The following MSRA variants were observed in gnomAD, a reference collection of about 807,000 sequenced individuals.
The protein encoded by MSRA is mitochondrial peptide methionine sulfoxide reductase.
MSRA carries 54 observed loss-of-function variants against 31.3 expected under a neutral mutation model. The ratio of observed to expected loss-of-function variants is 1.73; its 90% CI spans 1.39 to 2.17. The LOEUF (loss-of-function observed/expected upper bound fraction) is 2.17. Ranked by LOEUF, MSRA falls within the 30% of genes most tolerant of loss-of-function variation. MSRA has a pLI of 0.00. For missense variants in MSRA, 507 were observed against 300.9 expected (o/e 1.69, Z -5.07); for synonymous variants, 169 against 116.5 (o/e 1.45, Z -2.90).
intron 5 of MSRA, among the ~76,000 whole-genome samples, chr8:10,397,313 C>T (rs1585678939): frequency 6.6e-6 from 1 of 152,082 alleles, no homozygotes; most frequent in Admixed American, 6.5e-5. Flanking sequence ...TAGTATTGAC[C>T]CTGGTACTTT....
intron 3 of MSRA, among the ~76,000 whole-genome samples, chr8:10,245,990 A>G (rs577784148): frequency 7.2e-5 from 11 of 152,366 alleles, no homozygotes; most frequent in African/African-American, 2.4e-4. Context: ...AAGCCGTGCT[A>G]TAATGCAGGG....
At chr8:10,092,387 G>A (rs746479022) in intron 1 of MSRA, among the ~76,000 whole-genome samples, 2 of 152,092 alleles carry the variant, frequency 1.3e-5, no homozygotes, top group Non-Finnish European at 2.9e-5. Flanking sequence ...GGCCAGGCAC[G>A]GTGGCTCACG....
chr8:10,089,183 A>G (rs1009557122), intron 1 of MSRA, among the ~76,000 whole-genome samples: 1 of 152,160 alleles, frequency 6.6e-6, no homozygotes, highest in Non-Finnish European at 1.5e-5. Flanking sequence ...GGTGATGGAT[A>G]TGTTAGTCTG....
chr8:10,192,490 CACTTA>C (rs1184385405), intron 1 of MSRA, among the ~76,000 whole-genome samples: 3 of 152,170 alleles, frequency 2.0e-5, no homozygotes, highest in Non-Finnish European at 2.9e-5. Context: ...GAAATTAGAC[CACTTA>C]ACTTAAAGTG....
intron 3 of MSRA, among the ~76,000 whole-genome samples, chr8:10,299,784 G>A (rs1054151993): frequency 1.3e-5 from 2 of 152,172 alleles, no homozygotes; most frequent in Admixed American, 6.5e-5. Flanking sequence ...CCAATGGAAA[G>A]AGAAAACTGG....
intron 3 of MSRA, among the ~76,000 whole-genome samples, chr8:10,254,076 G>T (rs1269143066): frequency 6.6e-6 from 1 of 152,036 alleles, no homozygotes; most frequent in Admixed American, 6.5e-5. Flanking sequence ...ACAAACCACC[G>T]AGGCCCCTCA....
At chr8:10,426,074 C>A (rs1275328331) in intron 5 of MSRA, among the ~76,000 whole-genome samples, 5 of 152,190 alleles carry the variant, frequency 3.3e-5, no homozygotes, top group Admixed American at 3.3e-4. Context: ...CAGTGGGCAG[C>A]CTCTTCACAG....
chr8:10,338,600 A>C (rs981039715), intron 5 of MSRA, among the ~76,000 whole-genome samples: 1 of 152,238 alleles, frequency 6.6e-6, no homozygotes, highest in Non-Finnish European at 1.5e-5. Context: ...GCACTCCATA[A>C]AGATATACAG....
chr8:10,238,178 C>A (rs1453111944), intron 2 of MSRA, among the ~76,000 whole-genome samples: 1 of 152,166 alleles, frequency 6.6e-6, no homozygotes, highest in African/African-American at 2.4e-5. Flanking sequence ...CTTGTTGCCC[C>A]TGTAGGACTG....
chr8:10,190,770 T>G (rs1205870278), intron 1 of MSRA, among the ~76,000 whole-genome samples: 1 of 152,220 alleles, frequency 6.6e-6, no homozygotes, highest in African/African-American at 2.4e-5. Context: ...CTGTGACCTA[T>G]GGTTTTTGTC....
intron 2 of MSRA, 76 bp from the exon 3 acceptor site, chr8:10,245,028 A>G: frequency 7.5e-7 from 1 of 1,338,562 alleles, no homozygotes. Context: ...TTCATGTAAC[A>G]GGTGTATGTG....
intron 3 of MSRA, among the ~76,000 whole-genome samples, chr8:10,275,718 G>T (rs2129103545): frequency 6.6e-6 from 1 of 152,312 alleles, no homozygotes. Context: ...GAAACTTGCA[G>T]TCGGTCGACT....
At chr8:10,191,627 G>C (rs1807513892) in intron 1 of MSRA, among the ~76,000 whole-genome samples, 1 of 152,150 alleles carries the variant, frequency 6.6e-6, no homozygotes, top group African/African-American at 2.4e-5. Flanking sequence ...AGGGAACAAA[G>C]TTTGTGGAGA....
At chr8:10,278,414 A>G (rs570802264) in intron 3 of MSRA, among the ~76,000 whole-genome samples, 14 of 152,338 alleles carry the variant, frequency 9.2e-5, no homozygotes, top group African/African-American at 3.1e-4. Flanking sequence ...TTCATGTAAC[A>G]ACCAAAAACA....
intron 4 of MSRA, among the ~76,000 whole-genome samples, chr8:10,316,158 C>T (rs1324576373): frequency 6.6e-6 from 1 of 151,950 alleles, no homozygotes; most frequent in Non-Finnish European, 1.5e-5. Flanking sequence ...TAGATAGTGA[C>T]CGTATTGTGT....
chr8:10,358,692 AC>A (rs1243500157), intron 5 of MSRA, among the ~76,000 whole-genome samples: 1 of 137,906 alleles, frequency 7.3e-6, no homozygotes, highest in African/African-American at 2.8e-5. Context: ...TCCCGGGTTC[AC>A]GCCATTCTCC....
intron 2 of MSRA, among the ~76,000 whole-genome samples, chr8:10,212,084 G>C (rs1372418881): frequency 6.6e-6 from 1 of 151,988 alleles, no homozygotes; most frequent in East Asian, 1.9e-4. Context: ...CTACTTGGGA[G>C]GCTGAGGCAG....
intron 4 of MSRA, among the ~76,000 whole-genome samples, chr8:10,310,074 C>CTGACAA (rs1180424708): frequency 3.9e-5 from 6 of 152,238 alleles, no homozygotes; most frequent in Non-Finnish European, 8.8e-5. Flanking sequence ...CTTCCTTGTG[C>CTGACAA]TGACCCCTTG....
intron 2 of MSRA, among the ~76,000 whole-genome samples, chr8:10,226,759 A>T (rs1811038036): frequency 1.3e-5 from 2 of 152,102 alleles, no homozygotes; most frequent in Non-Finnish European, 2.9e-5. Context: ...GGCTTTCTTT[A>T]CTTTGCCCCA....
Sources: gnomAD v4.1 joint callset for allele counts (sites outside exome capture counted in the v4.1 genomes callset) on GRCh38, gnomAD v4.1.1 for gene constraint, MANE v1.5 for transcripts, NCBI Gene and HGNC (gene_info 2026-07-23, HGNC 2026-07-21) for gene names.